SUPT20H: variants seen among roughly 807,000 people sequenced by gnomAD.
SUPT20H encodes transcription factor SPT20 homolog.
Under a neutral mutation model 122.8 loss-of-function variants are expected in SUPT20H, and 82 were observed. That is an observed-to-expected ratio of 0.67 (90% CI 0.56 to 0.80). The LOEUF (loss-of-function observed/expected upper bound fraction) is 0.80. SUPT20H is among the 30% of genes least tolerant of loss of function. SUPT20H has a pLI of 0.00. For synonymous variants in SUPT20H, 291 were observed against 313.0 expected (o/e 0.93, Z 0.74); for missense variants, 831 against 921.6 (o/e 0.90, Z 1.27).
chr13:37,035,520 C>G (rs1174326613), intron 9 of SUPT20H, among the ~76,000 whole-genome samples: 2 of 151,360 alleles, frequency 1.3e-5, no homozygotes, highest in East Asian at 1.9e-4. Context: ...TGACCATATA[C>G]AGTGTTTTTT....
intron 2 of SUPT20H, among the ~76,000 whole-genome samples, chr13:37,049,103 T>C (rs1251366538): frequency 2.0e-5 from 3 of 152,160 alleles, no homozygotes; most frequent in Non-Finnish European, 2.9e-5. Flanking sequence ...GAATAAATGA[T>C]GGCTATCATT....
At chr13:37,019,465 T>A in intron 21 of SUPT20H, 68 bp from the exon 22 acceptor site, 4 of 1,102,868 alleles carry the variant, frequency 3.6e-6, no homozygotes, top group Non-Finnish European at 5.2e-6. Context: ...ATTTATACTT[T>A]AGTATATATA....
At chr13:37,013,709 G>GT (rs2059971660) in intron 23 of SUPT20H, 1 of 151,992 alleles carries the variant, frequency 6.6e-6, no homozygotes, top group Non-Finnish European at 1.5e-5. Context: ...AGTGTCTGAA[G>GT]TAACATTTCA....
At position 37,045,130 on chromosome 13, in the gene SUPT20H, T is replaced by A. The variant is rs1594431310; in HGVS notation, c.292+117A>T. On this transcript the variant is annotated intron_variant, in intron 6 of 25. Coordinates refer to ENST00000350612, the MANE Select transcript of SUPT20H (RefSeq NM_001014286.3). ...TGGGATCAAAATCTGTTTTTATCAC[T>A]AGGTCATCACTATCTGAAGGACAAA... is the stretch of plus-strand genomic sequence containing the variant. 7 of 1,327,764 alleles carry A rather than the reference T, an allele frequency of 5.3e-6. No individual in the cohort carries two copies. The East Asian group carries it at 1.7e-4, about 32-fold the overall frequency. 82.2% of individuals were successfully genotyped at this position (1,327,764 alleles called of 1,614,324 possible).
chr13:37,009,818 G>A lies in SUPT20H; in HGVS notation c.2203-9C>T, dbSNP rs745866589. On this transcript the variant is annotated splice_polypyrimidine_tract_variant and intron_variant, in intron 25 of 25. Coordinates refer to ENST00000350612, the MANE Select transcript of SUPT20H (RefSeq NM_001014286.3). ...TGCAAGAATCGCAACTGCTGCAAAA[G>A]GGAGGGAAAAAAATCGAGTTATGTT... 1.2e-6 allele frequency: 2 copies of A among 1,602,984 alleles called. No homozygotes were observed. The highest frequency in any genetic ancestry group is 1.7e-6 in the Non-Finnish European group (2 of 1,176,910).
chr13:37,035,732 G>A (rs528287930), intron 9 of SUPT20H, among the ~76,000 whole-genome samples: 6 of 152,126 alleles, frequency 3.9e-5, no homozygotes, highest in East Asian at 1.9e-4. Context: ...GGGTTTCACC[G>A]TATTGGCCAG....
At chr13:37,026,087 T>C (rs2062208871) in intron 16 of SUPT20H, 117 bp downstream of exon 16, 2 of 773,546 alleles carry the variant, frequency 2.6e-6, no homozygotes, top group South Asian at 3.5e-5. Flanking sequence ...ACAGTGTAAA[T>C]ATGGTTAACA....
Position 37,042,764 on chromosome 13 carries a change from G to A in SUPT20H, c.396+1314C>T, listed in dbSNP as rs1464565884. On this transcript the variant is annotated intron_variant, in intron 7 of 25. Coordinates refer to ENST00000350612, the MANE Select transcript of SUPT20H (RefSeq NM_001014286.3). ...GAATGGGATCTGCAAAAGAGGAAAT[G>A]ACTATAAATTCTTTGAGTAGCGTGG... Among the ~76,000 whole-genome samples the A allele has an allele frequency of 2.0e-5, 3 of 152,174 alleles. No individual in the cohort carries two copies. In the East Asian group the frequency reaches 5.8e-4, roughly 29 times the overall value.
rs1262759700 is a variant in SUPT20H at position 37,009,474 on chromosome 13, C to CTT, written c.*196_*197dup. The CTT allele has an allele frequency of 1.3e-6, 1 of 793,820 alleles. No homozygotes were observed. Among genetic ancestry groups the CTT allele is most frequent in the African/African-American group, 1.7e-5 (1 of 57,182 alleles). 49.2% of individuals were successfully genotyped at this position (793,820 alleles called of 1,614,324 possible). A position where few individuals can be genotyped will look rare whatever the true frequency, so the allele number is the denominator to read the frequency against. ...TGAAACCATTTTTAAAAAGCAATGA[C>CTT]TTAGGCAAACCAACCCTAGTTTGTT... On this transcript the variant is annotated 3_prime_UTR_variant, in exon 26 of 26. Coordinates refer to ENST00000350612, the MANE Select transcript of SUPT20H (RefSeq NM_001014286.3).
Position 37,047,621 on chromosome 13 carries a change from CAAAT to C in SUPT20H, c.99-24_99-21del. 3 of 1,353,612 alleles carry C rather than the reference CAAAT, an allele frequency of 2.2e-6. No homozygotes were observed. Among genetic ancestry groups the C allele is most frequent in the Non-Finnish European group, 3.0e-6 (3 of 1,010,138 alleles). The allele number at this position is 1,353,612 out of a possible 1,614,324, so 83.9% of individuals were successfully genotyped here. On this transcript the variant is annotated intron_variant, in intron 4 of 25. Transcript: ENST00000350612. Reference sequence around the variant, plus strand: ...GATTTTCTAAAAAAATTTAATGAAACAAATATATAAAATGTTAACAGAGTAATCA... The same window carrying C: ...GATTTTCTAAAAAAATTTAATGAAACATATAAAATGTTAACAGAGTAATCA...
intron 7 of SUPT20H, 88 bp from the exon 8 acceptor site, chr13:37,040,780 T>C (rs2065324499): frequency 1.0e-6 from 1 of 986,020 alleles, no homozygotes. Flanking sequence ...ATTCTTTACA[T>C]TCATGCAACA....
rs893882789 is a variant in SUPT20H at position 37,022,335 on chromosome 13, TA to T, written c.1592-256del. Reference sequence around the variant, plus strand: ...TCCAGATCCTGCTCATTGAGAAAAATAAAAATTGCTAGTTTGTTATAAATGG... The same window carrying T: ...TCCAGATCCTGCTCATTGAGAAAAATAAAATTGCTAGTTTGTTATAAATGG... On this transcript the variant is annotated intron_variant, in intron 19 of 25. Transcript: ENST00000350612. This position sits in a 1 kb window ranked among gnomAD's most constrained non-coding sequence, Gnocchi z 4.5. 1 of 1,341,968 alleles carries T rather than the reference TA, an allele frequency of 7.5e-7. No homozygotes were observed. Among genetic ancestry groups the T allele is most frequent in the African/African-American group, 1.5e-5 (1 of 67,180 alleles). 83.1% of individuals were successfully genotyped at this position (1,341,968 alleles called of 1,614,324 possible). A position where few individuals can be genotyped will look rare whatever the true frequency, so the allele number is the denominator to read the frequency against.
At chr13:37,038,259 A>G (rs2138479681) in intron 9 of SUPT20H, 1 of 152,286 alleles carries the variant, frequency 6.6e-6, no homozygotes, top group East Asian at 1.9e-4. Flanking sequence ...AAGACTTTCA[A>G]ACTTTTATTT....
intron 1 of SUPT20H, among the ~76,000 whole-genome samples, chr13:37,057,765 G>C (rs1025324448): frequency 6.6e-6 from 1 of 152,060 alleles, no homozygotes; most frequent in African/African-American, 2.4e-5. Flanking sequence ...CTTCAGCCCT[G>C]GAGTTCGAGA....
chr13:37,019,724 T>C (rs1392737403), intron 21 of SUPT20H, among the ~76,000 whole-genome samples: 1 of 152,226 alleles, frequency 6.6e-6, no homozygotes, highest in Non-Finnish European at 1.5e-5. Context: ...AAACTATCAC[T>C]GCTGTGCAAA....
At chr13:37,010,842 A>G (rs2059481132) in intron 24 of SUPT20H, 187 bp from the exon 25 acceptor site, 3 of 494,952 alleles carry the variant, frequency 6.1e-6, no homozygotes, top group Non-Finnish European at 1.1e-5. Context: ...TACCACTGAT[A>G]ATGGAACTTT....
chr13:37,027,471 C>T (rs1403744663), intron 14 of SUPT20H, among the ~76,000 whole-genome samples: 1 of 152,052 alleles, frequency 6.6e-6, no homozygotes, highest in Non-Finnish European at 1.5e-5. Flanking sequence ...TTAAAATCCA[C>T]CTTTCTACTG....
At chr13:37,058,003 G>C (rs2069583890) in intron 1 of SUPT20H, among the ~76,000 whole-genome samples, 1 of 151,354 alleles carries the variant, frequency 6.6e-6, no homozygotes, top group Admixed American at 6.6e-5. Flanking sequence ...AGTTGGCTGG[G>C]GCGGTGGCTC....
At position 37,016,429 on chromosome 13, in the gene SUPT20H, C is replaced by CAA. The variant is rs66581438; in HGVS notation, c.1992+814_1992+815dup. 6.7e-3 allele frequency among the ~76,000 whole-genome samples: 941 copies of CAA among 139,786 alleles called. 12 individuals carry two copies. The highest frequency in any genetic ancestry group is 0.024 in the African/African-American group (914 of 38,016). The allele number at this position is 139,786 out of a possible 152,430, so 91.7% of individuals were successfully genotyped here. On this transcript the variant is annotated intron_variant, in intron 23 of 25. Coordinates refer to ENST00000350612, the MANE Select transcript of SUPT20H (RefSeq NM_001014286.3). The stretch of plus-strand genomic sequence containing the variant: ...TGGGCAACAGCGCGAGACTCTGTCT[C>CAA]AAAAAAAAAAAAAAAGTTAAAATGG...
Sources: allele counts gnomAD v4.1 joint callset (sites outside exome capture counted in the v4.1 genomes callset), GRCh38; gene constraint gnomAD v4.1.1; non-coding constraint Gnocchi (gnomAD v3.1); transcripts MANE v1.5; gene names NCBI Gene and HGNC (gene_info 2026-07-23, HGNC 2026-07-21).